The following KCP variants were observed in gnomAD, a reference collection of about 807,000 sequenced individuals.
KCP encodes kielin/chordin-like protein.
A neutral mutation model predicts 212.7 loss-of-function variants in KCP; 194 were observed. The ratio of observed to expected loss-of-function variants is 0.91; its 90% CI spans 0.81 to 1.03. KCP has a LOEUF of 1.03. Among genes scored for constraint, KCP ranks in the 50% least tolerant of loss-of-function variants. KCP has a pLI of 0.00. For synonymous variants in KCP, 833 were observed against 865.3 expected, an observed-to-expected ratio of 0.96 and a Z score of 0.65; for missense variants, 2,080 against 2,162.5, an observed-to-expected ratio of 0.96 and a Z score of 0.76.
At chr7:128,899,035 CA>C (rs1270458840) in intron 8 of KCP, among the ~76,000 whole-genome samples, 1 of 152,150 alleles carries the variant, frequency 6.6e-6, no homozygotes, top group Non-Finnish European at 1.5e-5. Flanking sequence ...ATCAATAATG[CA>C]CCCGTGCAAC....
At chr7:128,903,110 A>G in intron 7 of KCP, 1 of 545,782 alleles carries the variant, frequency 1.8e-6, no homozygotes. Context: ...TGCCCCACCT[A>G]TCTCTGGCCC....
chr7:128,881,731 C>T lies in KCP; in HGVS notation c.3325-6G>A, dbSNP rs1290227937. 6.5e-7 allele frequency: 1 copy of T among 1,535,352 alleles called. No individual in the cohort carries two copies. Among genetic ancestry groups the T allele is most frequent in the Non-Finnish European group, 8.8e-7 (1 of 1,140,542 alleles). Reference sequence around the variant, plus strand: ...ATGCAGAGCCATGTCAGGTCCTGCCCATGTGAACACAAGAGGTAGAGAATG... The same window carrying T: ...ATGCAGAGCCATGTCAGGTCCTGCCTATGTGAACACAAGAGGTAGAGAATG... On this transcript the variant is annotated splice_region_variant and splice_polypyrimidine_tract_variant and intron_variant, in intron 30 of 39. Transcript: ENST00000610776.
chr7:128,881,794 G>T, intron 30 of KCP, 69 bp from the exon 31 acceptor site: 3 of 1,412,140 alleles, frequency 2.1e-6, no homozygotes, highest in Non-Finnish European at 2.9e-6. Flanking sequence ...TAAGGCATAG[G>T]CAGGATGTGA....
intron 1 of KCP, 66 bp downstream of exon 1, chr7:128,910,535 G>C: frequency 7.1e-7 from 1 of 1,415,438 alleles, no homozygotes; most frequent in Middle Eastern, 2.5e-4. Context: ...GGCCCCCTCA[G>C]GCCGGGCTGA....
Position 128,908,530 on chromosome 7 carries a change from T to C in KCP, c.115A>G (p.Thr39Ala), listed in dbSNP as rs1047713922. 1 of 1,551,622 alleles carries C rather than the reference T, an allele frequency of 6.4e-7. No individual in the cohort carries two copies. Among genetic ancestry groups the C allele is most frequent in the Non-Finnish European group, 8.7e-7 (1 of 1,146,932 alleles). ...CCAGCAAGGACTGAGGAATGGGCAGTTGTCTGCTGCCCAGGGGGCTCCCTG... is the reference window on the plus strand; with the variant it reads ...CCAGCAAGGACTGAGGAATGGGCAGCTGTCTGCTGCCCAGGGGGCTCCCTG... ...VPREPPGQQT[T>A]AHSSVLAGNS... Residue 39 changes from threonine (T) to alanine (A), a missense_variant, in exon 2 of 40, where the codon ACT becomes GCT. Transcript: ENST00000610776.
At chr7:128,894,331 G>T (rs1794389604) in intron 8 of KCP, 38 bp from the exon 9 acceptor site, 3 of 1,441,702 alleles carry the variant, frequency 2.1e-6, no homozygotes, top group African/African-American at 1.4e-5. Flanking sequence ...GGCCGACAGG[G>T]CTCAACTGAG....
intron 29 of KCP, 73 bp downstream of exon 29, chr7:128,883,929 C>T: frequency 6.7e-7 from 1 of 1,484,180 alleles, no homozygotes; most frequent in African/African-American, 1.4e-5. Flanking sequence ...GGGGCTGGGA[C>T]TGGTGAGGAA....
At position 128,902,873 on chromosome 7, in the gene KCP, G is replaced by T; in HGVS notation, c.749-14C>A. 6.5e-7 allele frequency: 1 copy of T among 1,548,288 alleles called. No homozygotes were observed. Among genetic ancestry groups the T allele is most frequent in the Non-Finnish European group, 8.7e-7 (1 of 1,144,354 alleles). ...CTTCTGTGCAGCCTAGGGTTGAGGG[G>T]TTGAGAAGAGGGAGGCCTGGTGGGA... On this transcript the variant is annotated splice_polypyrimidine_tract_variant and intron_variant, in intron 7 of 39. Coordinates refer to ENST00000610776, the MANE Select transcript of KCP (RefSeq NM_001366122.1).
chr7:128,887,242 G>A lies in KCP; in HGVS notation c.2571C>T (p.Asp857=), dbSNP rs140988106. Residue 857 remains aspartate (D), a synonymous_variant, in exon 23 of 40, where the codon GAC becomes GAT. Coordinates refer to ENST00000610776, the MANE Select transcript of KCP (RefSeq NM_001366122.1). ...GGCAGGTGCAGAGGGAGCAGGTAGG[G>A]TCAAGTGGGTCAGGAAGGGTCTCTC... is the stretch of plus-strand genomic sequence containing the variant. ...ASGETLPDPL[D]PTCSLCTCQE... 3.4e-5 allele frequency: 53 copies of A among 1,551,478 alleles called. 1 individual carries two copies. The South Asian group carries it at 3.9e-4, about 11-fold the overall frequency.
Position 128,876,908 on chromosome 7 carries a change from G to T in KCP, c.*135C>A. On this transcript the variant is annotated 3_prime_UTR_variant, in exon 40 of 40. Coordinates refer to ENST00000610776, the MANE Select transcript of KCP (RefSeq NM_001366122.1). ...TTACTGCTGGTGACTCAACATGGCG[G>T]GGGTCTTTGCAGGGCAGGGGCCCAG... 9.7e-7 allele frequency: 1 copy of T among 1,033,338 alleles called. No individual in the cohort carries two copies. The highest frequency in any genetic ancestry group is 1.4e-6 in the Non-Finnish European group (1 of 737,086). 64.0% of individuals were successfully genotyped at this position (1,033,338 alleles called of 1,614,324 possible). A position where few individuals can be genotyped will look rare whatever the true frequency, so the allele number is the denominator to read the frequency against.
chr7:128,910,473 G>A, intron 1 of KCP, 128 bp downstream of exon 1: 1 of 846,898 alleles, frequency 1.2e-6, no homozygotes, highest in South Asian at 2.0e-5. Context: ...AGCTGGCCAG[G>A]GAGGCGCGCG....
At chr7:128,909,892 G>A (rs1001380764) in intron 1 of KCP, among the ~76,000 whole-genome samples, 2 of 152,128 alleles carry the variant, frequency 1.3e-5, no homozygotes, top group Admixed American at 6.5e-5. Context: ...AATGGCACCC[G>A]GTCTCAGTCC....
chr7:128,904,382 T>C, intron 5 of KCP: 1 of 1,549,800 alleles, frequency 6.5e-7, no homozygotes, highest in Non-Finnish European at 8.7e-7. Context: ...GGCTCCTGTC[T>C]GCAGGGCAGA....
intron 1 of KCP, 77 bp downstream of exon 1, chr7:128,910,524 C>T (rs75709678): frequency 0.18 from 243,568 of 1,328,838 alleles, 25,938 homozygotes; most frequent in East Asian, 0.55. Flanking sequence ...CAGCCCCTCT[C>T]GGCCCCCTCA....
chr7:128,884,633 C>G (rs1054600699), intron 28 of KCP, 148 bp downstream of exon 28: 2 of 757,314 alleles, frequency 2.6e-6, no homozygotes, highest in Non-Finnish European at 4.4e-6. Flanking sequence ...TGGCCCCAAC[C>G]CTGCCTTGTC....
In KCP at chr7:128,877,798, G is replaced by A. The variant is rs2128943842; in HGVS notation, c.4312-8C>T. 6.5e-7 allele frequency: 1 copy of A among 1,542,530 alleles called. No individual in the cohort carries two copies. The highest frequency in any genetic ancestry group is 1.8e-4 in the Middle Eastern group (1 of 5,506). On this transcript the variant is annotated splice_region_variant and splice_polypyrimidine_tract_variant and intron_variant, in intron 38 of 39. Transcript: ENST00000610776. ...CCACAGCCCCTCTGAGACCTGGGTG[G>A]GGAGAGCAGCCCTGACGTGACAGCA... is the stretch of plus-strand genomic sequence containing the variant.
rs1453161354 is a variant in KCP, at chr7:128,887,238, T to A, written c.2575A>T (p.Thr859Ser). The change falls in exon 23 of 40, where the codon ACC becomes TCC. Residue 859 changes from threonine (T) to serine (S), a missense_variant. Physicochemically the swap from Thr to Ser is moderately conservative, Grantham distance 58. Coordinates refer to ENST00000610776, the MANE Select transcript of KCP (RefSeq NM_001366122.1). ...GETLPDPLDP[T>S]CSLCTCQEGS... ...ACCTGGCAGGTGCAGAGGGAGCAGG[T>A]AGGGTCAAGTGGGTCAGGAAGGGTC... 6.4e-7 allele frequency: 1 copy of A among 1,551,428 alleles called. No individual in the cohort carries two copies. The highest frequency in any genetic ancestry group is 2.0e-5 in the Admixed American group (1 of 50,974).
intron 26 of KCP, 62 bp from the exon 27 acceptor site, chr7:128,885,332 C>G: frequency 2.7e-6 from 4 of 1,478,582 alleles, no homozygotes; most frequent in Non-Finnish European, 3.6e-6. Flanking sequence ...TGCTCCTGGC[C>G]CCCACCCTCA....
At position 128,884,094 on chromosome 7, in the gene KCP, C is replaced by G. The variant is rs182771025; in HGVS notation, c.3152G>C (p.Arg1051Pro). The G allele has an allele frequency of 3.0e-5, 46 of 1,544,766 alleles. No homozygotes were observed. The African/African-American group carries it at 6.0e-4, about 20-fold the overall frequency. ...GCTGGGACACTGCCGCCGGTGACAG[C>G]GAAGGCTGGGAGGCCCCTCAGGCTG... is the stretch of plus-strand genomic sequence containing the variant. ...EPQPEGPPSL[R>P]CHRRQCPSLV... Residue 1051 changes from arginine (R) to proline (P), a missense_variant, in exon 29 of 40, where the codon CGC becomes CCC. Coordinates refer to ENST00000610776, the MANE Select transcript of KCP (RefSeq NM_001366122.1).
Sources: allele counts gnomAD v4.1 joint callset (sites outside exome capture counted in the v4.1 genomes callset), GRCh38; gene constraint gnomAD v4.1.1; transcripts MANE v1.5; gene names NCBI Gene and HGNC (gene_info 2026-07-23, HGNC 2026-07-21).